The following RABGAP1L variants were observed in gnomAD, a reference collection of about 807,000 sequenced individuals.
The protein encoded by RABGAP1L is rab GTPase-activating protein 1-like.
A neutral mutation model predicts 137.7 loss-of-function variants in RABGAP1L; 63 were observed. The ratio of observed to expected loss-of-function variants is 0.46; its 90% CI spans 0.37 to 0.56. The LOEUF (loss-of-function observed/expected upper bound fraction) is 0.56, where lower values mean the gene tolerates loss of function less well. RABGAP1L is among the 20% of genes least tolerant of loss of function. RABGAP1L has a pLI of 0.00. For synonymous variants in RABGAP1L, 431 were observed against 433.7 expected (o/e 0.99, Z 0.08); for missense variants, 1,095 against 1,244.0 (o/e 0.88, Z 1.80).
intron 19 of RABGAP1L, among the ~76,000 whole-genome samples, chr1:174,915,080 A>G (rs953367360): frequency 1.3e-5 from 2 of 152,096 alleles, no homozygotes; most frequent in African/African-American, 4.8e-5. Context: ...TTACCAGTTG[A>G]TGGACTTTTT....
At chr1:174,478,355 T>C (rs1658728325) in intron 13 of RABGAP1L, among the ~76,000 whole-genome samples, 1 of 151,944 alleles carries the variant, frequency 6.6e-6, no homozygotes, top group Non-Finnish European at 1.5e-5. Flanking sequence ...ACTGTAACCT[T>C]GAACTCCTGG....
chr1:174,205,486 G>T, intron 1 of RABGAP1L, among the ~76,000 whole-genome samples: 1 of 152,026 alleles, frequency 6.6e-6, no homozygotes, highest in East Asian at 1.9e-4. Flanking sequence ...TCTCTGTGGG[G>T]AATCAGTTTC....
intron 1 of RABGAP1L, among the ~76,000 whole-genome samples, chr1:174,161,048 A>G (rs61827901): frequency 0.089 from 13,596 of 152,164 alleles, 823 homozygotes; most frequent in East Asian, 0.22. Flanking sequence ...ATTGTATTAA[A>G]TGTACACCTG....
intron 5 of RABGAP1L, among the ~76,000 whole-genome samples, chr1:174,246,711 TAAAC>T (rs1672294591): frequency 1.3e-5 from 2 of 152,296 alleles, no homozygotes; most frequent in Non-Finnish European, 2.9e-5. Flanking sequence ...ATAAGGGACT[TAAAC>T]ATCTATGCAT....
At chr1:174,313,429 T>A (rs1287952259) in intron 11 of RABGAP1L, among the ~76,000 whole-genome samples, 1 of 152,218 alleles carries the variant, frequency 6.6e-6, no homozygotes. Flanking sequence ...TTTGACTTCT[T>A]TCTTTCCAAT....
chr1:174,257,268 A>G (rs1673215499), intron 7 of RABGAP1L, among the ~76,000 whole-genome samples: 1 of 152,208 alleles, frequency 6.6e-6, no homozygotes, highest in Non-Finnish European at 1.5e-5. Context: ...TTAACTTTGA[A>G]TAAGCGTTAT....
chr1:174,161,427 A>G (rs781234153), intron 1 of RABGAP1L, among the ~76,000 whole-genome samples: 4 of 152,000 alleles, frequency 2.6e-5, no homozygotes, highest in Non-Finnish European at 5.9e-5. Flanking sequence ...TTTTTAGTAC[A>G]GACTGGGTTT....
At chr1:174,923,398 T>C (rs1662149757) in intron 19 of RABGAP1L, among the ~76,000 whole-genome samples, 1 of 152,176 alleles carries the variant, frequency 6.6e-6, no homozygotes, top group African/African-American at 2.4e-5. Context: ...CAAGTGTATA[T>C]GGAGGCTTTA....
chr1:174,773,405 AC>A lies in RABGAP1L; in HGVS notation c.2211+21052del, dbSNP rs1686280458. 2.6e-5 allele frequency among the ~76,000 whole-genome samples: 4 copies of A among 152,314 alleles called. No individual in the cohort carries two copies. The South Asian group carries it at 8.3e-4, about 32-fold the overall frequency. ...AATAAATAAAAGCCAGGTGGCTCTC[AC>A]TAAAAATTCCATGCCTTTTTACGTT... On this transcript the variant is annotated intron_variant, in intron 18 of 25. Transcript: ENST00000681986.
At chr1:174,343,383 A>G (rs951807590) in intron 11 of RABGAP1L, among the ~76,000 whole-genome samples, 1 of 152,288 alleles carries the variant, frequency 6.6e-6, no homozygotes, top group Admixed American at 6.5e-5. Context: ...AAAGATTGCA[A>G]ATATATGCCC....
rs1307372221 is a variant in RABGAP1L, at chr1:174,993,231, T to TGAG, written c.*3231_*3233dup. The TGAG allele has an allele frequency of 6.6e-6, 1 of 152,200 alleles. No individual in the cohort carries two copies. The highest frequency in any genetic ancestry group is 1.5e-5 in the Non-Finnish European group (1 of 68,036). The allele number at this position is 152,200 out of a possible 1,614,324, so 9.4% of individuals were successfully genotyped here. On this transcript the variant is annotated 3_prime_UTR_variant, in exon 26 of 26. Coordinates refer to ENST00000681986, the MANE Select transcript of RABGAP1L (RefSeq NM_001366446.1). ...TGTTACTTAATGTTCTGTTTATTTA[T>TGAG]GAGTGCCTATCAGGAACACTAATAG...
intron 11 of RABGAP1L, among the ~76,000 whole-genome samples, chr1:174,344,333 A>G (rs1414983706): frequency 6.6e-6 from 1 of 152,180 alleles, no homozygotes; most frequent in East Asian, 1.9e-4. Flanking sequence ...TCTGTTCTGC[A>G]TAGTGTGAGG....
chr1:174,586,956 T>A (rs529329884), intron 13 of RABGAP1L, among the ~76,000 whole-genome samples: 4 of 152,050 alleles, frequency 2.6e-5, no homozygotes, highest in Non-Finnish European at 4.4e-5. Context: ...TGTCCATGTG[T>A]TCTCATTGTT....
At chr1:174,365,724 GGT>G (rs1684557980) in intron 11 of RABGAP1L, among the ~76,000 whole-genome samples, 2 of 152,164 alleles carry the variant, frequency 1.3e-5, no homozygotes, top group Non-Finnish European at 2.9e-5. Flanking sequence ...TGGGTGGGGT[GGT>G]ATCAGCAACT....
chr1:174,780,266 C>T lies in RABGAP1L; in HGVS notation c.2211+27912C>T, dbSNP rs552968239. Reference sequence around the variant, plus strand: ...GAGTTCAAATACATAGTTTATTCCTCGAAATCCTCCCTCCATACTCTGCTC... The same window carrying T: ...GAGTTCAAATACATAGTTTATTCCTTGAAATCCTCCCTCCATACTCTGCTC... On this transcript the variant is annotated intron_variant, in intron 18 of 25. Coordinates refer to ENST00000681986, the MANE Select transcript of RABGAP1L (RefSeq NM_001366446.1). Among the ~76,000 whole-genome samples, 15 of 152,100 alleles carry T rather than the reference C, an allele frequency of 9.9e-5. No individual in the cohort carries two copies. In the South Asian group the frequency reaches 2.5e-3, roughly 25 times the overall value.
In RABGAP1L at chr1:174,272,395, T is replaced by C. The variant is rs1344700410; in HGVS notation, c.987-19T>C. The stretch of plus-strand genomic sequence containing the variant: ...TTCTTGATACCTTATTTCTCCTTTT[T>C]TTCCCCCAATATTTTCAGATGTTTT... On this transcript the variant is annotated intron_variant, in intron 7 of 25. Transcript: ENST00000681986. The C allele has an allele frequency of 6.2e-6, 10 of 1,600,874 alleles. No individual in the cohort carries two copies. The highest frequency in any genetic ancestry group is 8.5e-6 in the Non-Finnish European group (10 of 1,175,244).
chr1:174,573,379 T>A (rs1668138026), intron 13 of RABGAP1L, among the ~76,000 whole-genome samples: 1 of 152,072 alleles, frequency 6.6e-6, no homozygotes, highest in African/African-American at 2.4e-5. Context: ...CATTTGAAAT[T>A]AAATCTGGCT....
chr1:174,419,775 A>G (rs934462846), intron 13 of RABGAP1L, among the ~76,000 whole-genome samples: 1 of 152,160 alleles, frequency 6.6e-6, no homozygotes, highest in Non-Finnish European at 1.5e-5. Context: ...ATCATCTGAC[A>G]TTTGTCTTTT....
At position 174,827,477 on chromosome 1, in the gene RABGAP1L, A is replaced by G. The variant is rs28615954; in HGVS notation, c.2340+15517A>G. The stretch of plus-strand genomic sequence containing the variant: ...TAATTGGGGGGGCACAATTCACCCC[A>G]TAACAGTGTTGTTCTCATAGTAACT... On this transcript the variant is annotated intron_variant, in intron 19 of 25. Coordinates refer to ENST00000681986, the MANE Select transcript of RABGAP1L (RefSeq NM_001366446.1). 7.9e-4 allele frequency among the ~76,000 whole-genome samples: 96 copies of G among 121,138 alleles called. 5 individuals carry two copies. The highest frequency in any genetic ancestry group is 2.5e-3 in the African/African-American group (87 of 35,190). The allele number at this position is 121,138 out of a possible 152,430, so 79.5% of individuals were successfully genotyped here. A position where few individuals can be genotyped will look rare whatever the true frequency, so the allele number is the denominator to read the frequency against.
Sources: gnomAD v4.1 joint callset for allele counts (sites outside exome capture counted in the v4.1 genomes callset) on GRCh38, gnomAD v4.1.1 for gene constraint, MANE v1.5 for transcripts, NCBI Gene and HGNC (gene_info 2026-07-23, HGNC 2026-07-21) for gene names.